The following ERBB4 variants were observed in gnomAD, a reference collection of about 807,000 sequenced individuals.
ERBB4 encodes the protein erb-b2 receptor tyrosine kinase 4, also known as receptor tyrosine-protein kinase erbB-4.
In ERBB4, 42 loss-of-function variants were observed where a neutral mutation model predicts 158.0. The observed-to-expected ratio is 0.27, with a 90% CI of 0.21 to 0.34. The LOEUF is 0.34. Ranked by LOEUF, ERBB4 falls within the 10% of genes least tolerant of loss-of-function variation. The pLI is 1.00. For synonymous variants in ERBB4, 583 were observed against 558.7 expected (o/e 1.04, Z -0.61); for missense variants, 1,333 against 1,624.1 (o/e 0.82, Z 3.08).
intron 2 of ERBB4, among the ~76,000 whole-genome samples, chr2:212,020,184 G>A (rs545241387): frequency 2.0e-5 from 3 of 152,044 alleles, no homozygotes; most frequent in African/African-American, 4.8e-5. Flanking sequence ...TTAAAGCAAA[G>A]GAGTTCTGAT....
At chr2:211,968,104 C>T (rs2081352965) in intron 2 of ERBB4, among the ~76,000 whole-genome samples, 1 of 151,928 alleles carries the variant, frequency 6.6e-6, no homozygotes. Flanking sequence ...ATGTAATAAA[C>T]TTTTCAAACT....
At chr2:212,145,221 G>T (rs1381513725) in intron 1 of ERBB4, among the ~76,000 whole-genome samples, 1 of 152,150 alleles carries the variant, frequency 6.6e-6, no homozygotes, top group Non-Finnish European at 1.5e-5. Flanking sequence ...TTTAAAGACA[G>T]TTTTCGCAAG....
chr2:212,151,076 G>A (rs2080852570), intron 1 of ERBB4, among the ~76,000 whole-genome samples: 1 of 151,910 alleles, frequency 6.6e-6, no homozygotes, highest in Non-Finnish European at 1.5e-5. Context: ...AAATATGAAT[G>A]AAAATGGAAT....
chr2:211,640,262 CT>C (rs776631647), intron 16 of ERBB4, among the ~76,000 whole-genome samples: 10 of 152,208 alleles, frequency 6.6e-5, no homozygotes, highest in Non-Finnish European at 1.3e-4. Context: ...TTACATTGGC[CT>C]GCTGGTAGCC....
intron 1 of ERBB4, among the ~76,000 whole-genome samples, chr2:212,231,654 G>A (rs2083669737): frequency 1.3e-5 from 2 of 152,160 alleles, no homozygotes; most frequent in Admixed American, 1.3e-4. Flanking sequence ...AGTCAGGTCT[G>A]ATAGAAGCAT....
chr2:212,341,609 T>C (rs1368988078), intron 1 of ERBB4, among the ~76,000 whole-genome samples: 1 of 75,830 alleles, frequency 1.3e-5, no homozygotes, highest in Non-Finnish European at 3.0e-5. Context: ...TATAAGAGTA[T>C]AGACTGTCTT....
intron 4 of ERBB4, 75 bp from the exon 5 acceptor site, chr2:211,750,779 A>G: frequency 8.0e-7 from 1 of 1,255,350 alleles, no homozygotes; most frequent in South Asian, 1.2e-5. Flanking sequence ...AACTCCTCAA[A>G]GGAAATACTC....
chr2:211,617,671 A>C lies in ERBB4; in HGVS notation c.2301+1506T>G, dbSNP rs956314988. 4.5e-4 allele frequency among the ~76,000 whole-genome samples: 69 copies of C among 152,260 alleles called. 1 individual carries two copies. The highest frequency in any genetic ancestry group is 1.6e-3 in the African/African-American group (68 of 41,572). On this transcript the variant is annotated intron_variant, in intron 19 of 27. Coordinates refer to ENST00000342788, the MANE Select transcript of ERBB4 (RefSeq NM_005235.3). The stretch of plus-strand genomic sequence containing the variant: ...AATAAGATAGGCTGAAAGTAGTTTT[A>C]TATAAAGTAGTTAGCATTATACATA...
chr2:211,718,161 C>G (rs893287249), intron 7 of ERBB4, among the ~76,000 whole-genome samples: 3 of 152,154 alleles, frequency 2.0e-5, no homozygotes, highest in Non-Finnish European at 4.4e-5. Flanking sequence ...ATCTGTCCAC[C>G]TCAGCCTTCC....
In ERBB4 at chr2:211,913,606, AAT is replaced by A. The variant is rs1235583174; in HGVS notation, c.421+33822_421+33823del. Reference sequence around the variant, plus strand: ...ACAGAGCAAGACTCTATTTCAAAAAAATATATATATATATGTGTGTGTGTGTG... The same window carrying A: ...ACAGAGCAAGACTCTATTTCAAAAAAATATATATATATGTGTGTGTGTGTG... On this transcript the variant is annotated intron_variant, in intron 3 of 27. Coordinates refer to ENST00000342788, the MANE Select transcript of ERBB4 (RefSeq NM_005235.3). 1.0e-3 allele frequency among the ~76,000 whole-genome samples: 141 copies of A among 136,344 alleles called. 1 individual carries two copies. The highest frequency in any genetic ancestry group is 4.5e-3 in the East Asian group (21 of 4,670). 89.4% of individuals were successfully genotyped at this position (136,344 alleles called of 152,430 possible).
intron 20 of ERBB4, among the ~76,000 whole-genome samples, chr2:211,473,089 A>G (rs546826484): frequency 1.4e-4 from 21 of 152,060 alleles, no homozygotes; most frequent in Middle Eastern, 3.4e-3. Context: ...TGATCTTGAC[A>G]TGGAGAAATG....
chr2:212,164,526 G>A (rs913751842), intron 1 of ERBB4, among the ~76,000 whole-genome samples: 1 of 151,738 alleles, frequency 6.6e-6, no homozygotes, highest in Non-Finnish European at 1.5e-5. Context: ...CCTTAACTTT[G>A]AAATACTGTA....
chr2:211,877,585 AG>A (rs1255637276), intron 3 of ERBB4, among the ~76,000 whole-genome samples: 1 of 148,286 alleles, frequency 6.7e-6, no homozygotes, highest in African/African-American at 2.5e-5. Flanking sequence ...TTTCCATTTC[AG>A]GGATATTGCT....
intron 19 of ERBB4, among the ~76,000 whole-genome samples, chr2:211,593,504 T>A (rs1410779964): frequency 1.3e-5 from 2 of 152,146 alleles, no homozygotes; most frequent in African/African-American, 2.4e-5. Context: ...CTCTTTCACA[T>A]CTCCCTGGAG....
chr2:211,652,739 TTA>T (rs144817427), intron 16 of ERBB4, among the ~76,000 whole-genome samples: 2,549 of 152,314 alleles, frequency 0.017, 72 homozygotes, highest in African/African-American at 0.057. Flanking sequence ...TTACTTTACT[TTA>T]TATTGTGAAG....
intron 2 of ERBB4, among the ~76,000 whole-genome samples, chr2:212,022,316 A>T (rs2076672065): frequency 6.6e-6 from 1 of 152,214 alleles, no homozygotes; most frequent in Admixed American, 6.5e-5. Flanking sequence ...GATGAAGAAA[A>T]TTTGGTACAT....
intron 1 of ERBB4, among the ~76,000 whole-genome samples, chr2:212,257,257 G>A (rs2084771696): frequency 6.6e-6 from 1 of 152,104 alleles, no homozygotes; most frequent in East Asian, 1.9e-4. Flanking sequence ...TATATTAATA[G>A]ATCAATTTTC....
chr2:212,057,177 C>G (rs1487067721), intron 2 of ERBB4, among the ~76,000 whole-genome samples: 1 of 152,106 alleles, frequency 6.6e-6, no homozygotes, highest in Non-Finnish European at 1.5e-5. Context: ...TCGAAAGAGA[C>G]AAAGAAGAGC....
At chr2:212,288,958 A>C (rs922092090) in intron 1 of ERBB4, among the ~76,000 whole-genome samples, 2 of 152,088 alleles carry the variant, frequency 1.3e-5, no homozygotes, top group African/African-American at 4.8e-5. Context: ...TTGGTTCTGG[A>C]AGAGGATAGA....
Sources: gnomAD v4.1 joint callset for allele counts (sites outside exome capture counted in the v4.1 genomes callset) on GRCh38, gnomAD v4.1.1 for gene constraint, MANE v1.5 for transcripts, NCBI Gene and HGNC (gene_info 2026-07-23, HGNC 2026-07-21) for gene names.